Variants in UNC13C observed in about 807,000 individuals in gnomAD.
The protein encoded by UNC13C is protein unc-13 homolog C.
A neutral mutation model predicts 245.4 loss-of-function variants in UNC13C; 174 were observed. The observed-to-expected ratio is 0.71, with a 90% CI of 0.63 to 0.80. The LOEUF (loss-of-function observed/expected upper bound fraction) is 0.80. UNC13C is among the 30% of genes least tolerant of loss of function. UNC13C has a pLI of 0.00. For missense variants in UNC13C, 2,829 were observed against 2,602.9 expected (o/e 1.09, Z -1.89); for synonymous variants, 992 against 895.1 (o/e 1.11, Z -1.93).
chr15:54,088,233 C>G, intron 2 of UNC13C, among the ~76,000 whole-genome samples: 1 of 125,634 alleles, frequency 8.0e-6, no homozygotes, highest in Non-Finnish European at 1.6e-5. Flanking sequence ...TTTTTACCCC[C>G]TCATCCAATC....
At chr15:53,979,257 T>G (rs1368966422) in intron 1 of UNC13C, among the ~76,000 whole-genome samples, 1 of 142,294 alleles carries the variant, frequency 7.0e-6, no homozygotes, top group Non-Finnish European at 1.6e-5. Flanking sequence ...CCTCGGAATT[T>G]TGGAAGAAAA....
Position 54,014,258 on chromosome 15 carries a change from G to T in UNC13C, c.1355G>T (p.Ser452Ile). 1 of 1,613,906 alleles carries T rather than the reference G, an allele frequency of 6.2e-7. No individual in the cohort carries two copies. Residue 452 changes from serine (S) to isoleucine (I), a missense_variant, in exon 2 of 33, where the codon AGT becomes ATT. Transcript: ENST00000260323. ...KKNNWQSPDD[S>I]DEDLESDLNR... Reference sequence around the variant, plus strand: ...AACAATTGGCAGTCACCTGATGACAGTGATGAAGATCTTGAATCTGACCTC... The same window carrying T: ...AACAATTGGCAGTCACCTGATGACATTGATGAAGATCTTGAATCTGACCTC...
At chr15:54,129,418 T>C (rs956728773) in intron 2 of UNC13C, among the ~76,000 whole-genome samples, 9 of 152,182 alleles carry the variant, frequency 5.9e-5, no homozygotes, top group Non-Finnish European at 1.3e-4. Flanking sequence ...TCTTTCTGTA[T>C]CCTACTTCTA....
chr15:53,993,491 G>T (rs1894482249), intron 1 of UNC13C, among the ~76,000 whole-genome samples: 2 of 152,066 alleles, frequency 1.3e-5, no homozygotes, highest in African/African-American at 2.4e-5. Flanking sequence ...TATCTGTGTG[G>T]CACGTTATGG....
intron 8 of UNC13C, among the ~76,000 whole-genome samples, chr15:54,251,145 A>G (rs746426068): frequency 1.8e-4 from 28 of 152,216 alleles, no homozygotes; most frequent in South Asian, 2.1e-4. Flanking sequence ...AGGGATCAAG[A>G]TATGCTTCTG....
Position 54,300,404 on chromosome 15 carries a change from T to C in UNC13C, c.4268+31T>C, listed in dbSNP as rs538403414. On this transcript the variant is annotated intron_variant, in intron 13 of 32. Transcript: ENST00000260323. ...TACTACAGAACATTTACATGGTCAA[T>C]ATCTCTATTAAAATATAAAGAAAGA... 1.4e-5 allele frequency: 21 copies of C among 1,528,872 alleles called. No individual in the cohort carries two copies. The African/African-American group carries it at 2.9e-4, about 21-fold the overall frequency. 94.7% of individuals were successfully genotyped at this position (1,528,872 alleles called of 1,614,324 possible).
intron 4 of UNC13C, among the ~76,000 whole-genome samples, chr15:54,195,775 G>T (rs536031437): frequency 1.3e-5 from 2 of 152,266 alleles, no homozygotes; most frequent in East Asian, 1.9e-4. Flanking sequence ...GAGAAGTGCA[G>T]CCAGGAGAGA....
chr15:54,301,051 A>T (rs1374699096), intron 13 of UNC13C, among the ~76,000 whole-genome samples: 1 of 152,178 alleles, frequency 6.6e-6, no homozygotes, highest in East Asian at 1.9e-4. Flanking sequence ...GAACAGAAGT[A>T]TTCATTACTT....
At chr15:53,926,576 G>C in the UNC13C span, among the ~76,000 whole-genome samples, 2 of 152,266 alleles carry the variant, frequency 1.3e-5, no homozygotes, top group East Asian at 3.9e-4. Flanking sequence ...AAGAGATAAG[G>C]ATACAGGACA....
In UNC13C at chr15:54,015,457, G is replaced by C; in HGVS notation, c.2554G>C (p.Val852Leu). 6.2e-7 allele frequency: 1 copy of C among 1,613,624 alleles called. No individual in the cohort carries two copies. The highest frequency in any genetic ancestry group is 8.5e-7 in the Non-Finnish European group (1 of 1,179,808). ...GTCAAGTACCACACTTGACTCTGAT[G>C]TCTACACGGAGCCCTATTACTATAA... Reference protein sequence around the residue: ...NESSTTLDSDVYTEPYYYKAE... With the variant: ...NESSTTLDSDLYTEPYYYKAE... The change falls in exon 2 of 33, where the codon GTC (valine) becomes CTC (leucine). Residue 852 changes from valine to leucine, a missense_variant. Val to Leu is a conservative substitution (Grantham distance 32, BLOSUM62 1). Transcript: ENST00000260323.
intron 4 of UNC13C, among the ~76,000 whole-genome samples, chr15:54,204,376 C>A: frequency 6.9e-6 from 1 of 144,706 alleles, no homozygotes. Context: ...AAATATAATT[C>A]AATAAAAAAG....
chr15:54,615,481 A>G (rs1045273481), intron 30 of UNC13C, among the ~76,000 whole-genome samples: 2 of 151,978 alleles, frequency 1.3e-5, no homozygotes, highest in African/African-American at 4.8e-5. Context: ...TTCAAGATGT[A>G]TTATTCCCTA....
At chr15:54,396,201 A>T (rs896406133) in intron 18 of UNC13C, among the ~76,000 whole-genome samples, 14 of 151,666 alleles carry the variant, frequency 9.2e-5, no homozygotes, top group Non-Finnish European at 2.1e-4. Context: ...GCTATTTTCA[A>T]AATAATGAAG....
At position 54,116,465 on chromosome 15, in the gene UNC13C, T is replaced by C. The variant is rs141460213; in HGVS notation, c.2984-26553T>C. On this transcript the variant is annotated intron_variant, in intron 2 of 32. Coordinates refer to ENST00000260323, the MANE Select transcript of UNC13C (RefSeq NM_001080534.3). ...CTTCCCAGCCTCTGGTAACCACCAA[T>C]GTACTGGCTACCTTCAAGAGGTCCA... Among the ~76,000 whole-genome samples, 795 of 152,294 alleles carry C rather than the reference T, an allele frequency of 5.2e-3. 11 individuals are homozygous for C. The highest frequency in any genetic ancestry group is 0.018 in the African/African-American group (767 of 41,574).
rs1005352374 is a variant in UNC13C at position 54,351,338 on chromosome 15, T to C, written c.4713+12849T>C. ...TCCATTAAATAGAACTTTGTCACTATGGATTCTGATATTCTATTTACTTTT... is the reference window on the plus strand; with the variant it reads ...TCCATTAAATAGAACTTTGTCACTACGGATTCTGATATTCTATTTACTTTT... On this transcript the variant is annotated intron_variant, in intron 17 of 32. Transcript: ENST00000260323. Among the ~76,000 whole-genome samples the C allele has an allele frequency of 1.1e-4, 17 of 152,310 alleles. No homozygotes were observed. The East Asian group carries it at 3.1e-3, about 28-fold the overall frequency.
chr15:54,198,388 C>T (rs2034423834), intron 4 of UNC13C, among the ~76,000 whole-genome samples: 1 of 152,112 alleles, frequency 6.6e-6, no homozygotes, highest in South Asian at 2.1e-4. Context: ...CACCTCCTGG[C>T]TAGAGGCCAA....
intron 1 of UNC13C, among the ~76,000 whole-genome samples, chr15:54,010,209 G>A (rs1314238592): frequency 6.6e-6 from 1 of 152,138 alleles, no homozygotes; most frequent in South Asian, 2.1e-4. Context: ...CTGACAAACA[G>A]TATGAGTCTA....
At chr15:54,511,967 C>A in intron 24 of UNC13C, 137 bp downstream of exon 24, 1 of 684,496 alleles carries the variant, frequency 1.5e-6, no homozygotes, top group South Asian at 1.7e-5. Context: ...TCTCAAATGT[C>A]ATTAACAACT....
the UNC13C span, among the ~76,000 whole-genome samples, chr15:53,883,978 T>C: frequency 1.3e-5 from 2 of 152,250 alleles, no homozygotes; most frequent in African/African-American, 4.8e-5. Flanking sequence ...GTTCCTTCTG[T>C]TTTTCTCTCT....
Sources: allele counts gnomAD v4.1 joint callset (sites outside exome capture counted in the v4.1 genomes callset), GRCh38; gene constraint gnomAD v4.1.1; transcripts MANE v1.5; gene names NCBI Gene and HGNC (gene_info 2026-07-23, HGNC 2026-07-21).